The following DUX4 variants were observed in gnomAD, a reference collection of about 807,000 sequenced individuals.
The protein encoded by DUX4 is double homeobox protein 4.
downstream of DUX4, among the ~76,000 whole-genome samples, chr4:190,177,163 A>ATAAATGTTACATCACCTGGGTGG (rs1742346232): frequency 1.1e-4 from 13 of 113,628 alleles, no homozygotes; most frequent in East Asian, 3.2e-4. Context: ...CATCACCTAG[A>ATAAATGTTACATCACCTGGGTGG]TGATCTGTGC....
chr4:190,176,339 T>C (rs1373659676), downstream of DUX4, among the ~76,000 whole-genome samples: 6 of 112,420 alleles, frequency 5.3e-5, 1 homozygote, highest in African/African-American at 7.9e-5. Flanking sequence ...TTACATCACC[T>C]GGGTGATCAG....
chr4:190,177,790 G>A (rs1742386303), downstream of DUX4, among the ~76,000 whole-genome samples: 232 of 57,608 alleles, frequency 4.0e-3, no homozygotes, highest in Middle Eastern at 0.033. Context: ...TCAGTGCAGA[G>A]TTATGTCACA....
rs1229928493 is a variant in DUX4, at chr4:190,175,695, C to G, written c.*285C>G. On this transcript the variant is annotated 3_prime_UTR_variant, in exon 2 of 2. Coordinates refer to ENST00000565211, the MANE Select transcript of DUX4 (RefSeq NM_001306068.3). ...GCTGACGTGCAAGGGAGCTCGCTGG[C>G]CTCTCTGTGCCCTTGTTCTTCCGTG... The G allele has an allele frequency of 6.0e-6, 1 of 166,916 alleles. No individual in the cohort carries two copies. The highest frequency in any genetic ancestry group is 2.6e-5 in the African/African-American group (1 of 38,544). 10.3% of individuals were successfully genotyped at this position (166,916 alleles called of 1,614,324 possible).
chr4:190,176,856 G>T (rs1406272740), downstream of DUX4, among the ~76,000 whole-genome samples: 117 of 83,376 alleles, frequency 1.4e-3, no homozygotes, highest in East Asian at 5.7e-3. Context: ...GCCTTCTGTA[G>T]GCAAAGCCCA....
intron 1 of DUX4, among the ~76,000 whole-genome samples, chr4:190,181,239 A>AACACAACAGTCTGCCACCTGGGTG (rs1579837024): frequency 6.6e-6 from 1 of 151,140 alleles, no homozygotes; most frequent in African/African-American, 2.4e-5. Context: ...AGGCAAATCC[A>AACACAACAGTCTGCCACCTGGGTG]AGACAAGAGT....
At chr4:190,175,478 GGC>G (rs1742239486) in intron 1 of DUX4, among the ~76,000 whole-genome samples, 167 bp from the exon 2 acceptor site, 1 of 32,294 alleles carries the variant, frequency 3.1e-5, no homozygotes, top group Non-Finnish European at 8.0e-5. Flanking sequence ...CGAAACACCG[GGC>G]CCCGCGCAGC....
downstream of DUX4, among the ~76,000 whole-genome samples, chr4:190,178,787 A>ACAGT (rs1742451488): frequency 6.7e-6 from 1 of 149,316 alleles, no homozygotes. Context: ...AGCCTAGACA[A>ACAGT]TAGTTACATC....
At position 190,174,283 on chromosome 4, in the gene DUX4, G is replaced by C; in HGVS notation, c.510G>C (p.Gly170=). Residue 170 remains glycine, a synonymous_variant, in exon 1 of 2, where the codon GGG becomes GGC. Transcript: ENST00000565211. ...GCCTGTGCAGCGCGGCCCCCGGCGGGGGTCACCCTGCTCCCTCGTGGGTCG... is the reference window on the plus strand; with the variant it reads ...GCCTGTGCAGCGCGGCCCCCGGCGGCGGTCACCCTGCTCCCTCGTGGGTCG... ...AGGLCSAAPG[G]GHPAPSWVAF... 1 of 33,260 alleles carries C rather than the reference G, an allele frequency of 3.0e-5. No homozygotes were observed. The highest frequency in any genetic ancestry group is 2.7e-4 in the East Asian group (1 of 3,750). 2.1% of individuals were successfully genotyped at this position (33,260 alleles called of 1,614,324 possible).
At chr4:190,182,233 A>AGGGTCAGGGTGAGGGGGG (rs1742607351) in intron 1 of DUX4, 1 of 129,430 alleles carries the variant, frequency 7.7e-6, no homozygotes, top group Non-Finnish European at 1.8e-5. Context: ...GGTGAGGGTG[A>AGGGTCAGGGTGAGGGGGG]GGGTTAGGGT....
downstream of DUX4, among the ~76,000 whole-genome samples, chr4:190,180,009 C>CCAGAGT (rs1742524902): frequency 9.9e-6 from 1 of 101,056 alleles, no homozygotes; most frequent in African/African-American, 4.5e-5. Context: ...AGAGCTTAAA[C>CCAGAGT]TAGAGTTACA....
At chr4:190,181,532 T>TGGATGATCAATGCAGTGATATGTCA (rs1742579700) in intron 1 of DUX4, among the ~76,000 whole-genome samples, 1 of 125,762 alleles carries the variant, frequency 8.0e-6, no homozygotes, top group Admixed American at 7.9e-5. Flanking sequence ...TTACATCACC[T>TGGATGATCAATGCAGTGATATGTCA]CGGTGATCAA....
Position 190,183,680 on chromosome 4 carries a change from G to T in DUX4, n.93-1661G>T, listed in dbSNP as rs1406283628. Among the ~76,000 whole-genome samples the T allele has an allele frequency of 5.4e-5, 6 of 111,768 alleles. 2 individuals carry two copies. In the Admixed American group the frequency reaches 5.5e-4, roughly 10 times the overall value. The allele number at this position is 111,768 out of a possible 152,430, so 73.3% of individuals were successfully genotyped here. A position where few individuals can be genotyped will look rare whatever the true frequency, so the allele number is the denominator to read the frequency against. ...AAATGAACCAATGGAAACATCCTAC[G>T]TTCCAAAAGCCTACTCAAGCCATTT... On this transcript the variant is annotated intron_variant and non_coding_transcript_variant, in intron 1 of 2. Coordinates refer to the DUX4 transcript ENST00000563716.
At chr4:190,181,562 G>GT (rs1742582092) in intron 1 of DUX4, among the ~76,000 whole-genome samples, 2 of 98,834 alleles carry the variant, frequency 2.0e-5, no homozygotes, top group African/African-American at 3.9e-5. Context: ...ATGTCACTAT[G>GT]CCCCGTAGGC....
At chr4:190,179,582 TG>T (rs1742504865), downstream of DUX4, among the ~76,000 whole-genome samples, 16 of 146,780 alleles carry the variant, frequency 1.1e-4, no homozygotes, top group Non-Finnish European at 1.4e-4. Context: ...GTCACAATGC[TG>T]TGTAGCCAGA....
At chr4:190,181,230 G>GACAAATCCAACACAACA (rs1579837009) in intron 1 of DUX4, among the ~76,000 whole-genome samples, 2 of 151,740 alleles carry the variant, frequency 1.3e-5, no homozygotes, top group African/African-American at 2.4e-5. Context: ...TGCCCCCATA[G>GACAAATCCAACACAACA]GCAAATCCAA....
downstream of DUX4, among the ~76,000 whole-genome samples, chr4:190,178,385 C>T (rs1579834075): frequency 1.3e-3 from 188 of 143,226 alleles, no homozygotes; most frequent in South Asian, 2.3e-3. Flanking sequence ...GCAAGAGTTA[C>T]ATCACCTTTG....
At chr4:190,181,285 A>C (rs1579837113) in intron 1 of DUX4, among the ~76,000 whole-genome samples, 85 of 148,854 alleles carry the variant, frequency 5.7e-4, no homozygotes, top group Middle Eastern at 3.5e-3. Flanking sequence ...AATATGTGAC[A>C]ATGCCGCCAG....
At chr4:190,178,865 C>T (rs1742457916), downstream of DUX4, among the ~76,000 whole-genome samples, 6 of 150,454 alleles carry the variant, frequency 4.0e-5, no homozygotes, top group Admixed American at 6.6e-5. Context: ...ACAGTTACAT[C>T]ACCTGGGTGA....
downstream of DUX4, among the ~76,000 whole-genome samples, chr4:190,177,226 C>A (rs1742353191): frequency 5.7e-5 from 8 of 140,846 alleles, no homozygotes; most frequent in African/African-American, 1.0e-4. Flanking sequence ...TGTTACATCA[C>A]CTGGGTGATC....
Sources: allele counts gnomAD v4.1 joint callset (sites outside exome capture counted in the v4.1 genomes callset), GRCh38; gene constraint gnomAD v4.1.1; transcripts MANE v1.5; gene names NCBI Gene and HGNC (gene_info 2026-07-23, HGNC 2026-07-21).